FREM1: variants seen among roughly 807,000 people sequenced by gnomAD.
FREM1 encodes FRAS1-related extracellular matrix protein 1.
A neutral mutation model predicts 210.1 loss-of-function variants in FREM1; 220 were observed. The ratio of observed to expected loss-of-function variants is 1.05; its 90% CI spans 0.94 to 1.17. The LOEUF is 1.17. FREM1 is among the 50% of genes most tolerant of loss of function. The pLI is 0.00. For missense variants in FREM1, 3,454 were observed against 2,675.5 expected (o/e 1.29, Z -6.42); for synonymous variants, 1,189 against 980.2 (o/e 1.21, Z -3.98).
intron 1 of FREM1, among the ~76,000 whole-genome samples, chr9:14,891,857 G>GA (rs1317038405): frequency 1.3e-5 from 2 of 152,176 alleles, no homozygotes; most frequent in African/African-American, 4.8e-5. Context: ...CACTGTGCAA[G>GA]AAAAAGTTCA....
chr9:14,824,962 C>T lies in FREM1; in HGVS notation c.1912G>A (p.Asp638Asn), dbSNP rs760184677. 4.4e-6 allele frequency: 7 copies of T among 1,603,826 alleles called. No homozygotes were observed. The highest frequency in any genetic ancestry group is 1.4e-5 in the African/African-American group (1 of 74,042). ...VATIHITPVDDQLPKEAPGVS... is the reference protein window; with the variant it reads ...VATIHITPVDNQLPKEAPGVS... ...CCAGGAGCCTCTTTTGGAAGCTGGT[C>T]ATCCACTGGAGTTATATGGATTGTT... Residue 638 changes from aspartate to asparagine, a missense_variant, in exon 11 of 37, where the codon GAC becomes AAC. By Grantham distance (23) the Asp-to-Asn change is conservative. Coordinates refer to ENST00000380880, the MANE Select transcript of FREM1 (RefSeq NM_001379081.2).
At chr9:14,864,068 C>A (rs558372907) in intron 2 of FREM1, among the ~76,000 whole-genome samples, 165 bp from the exon 3 acceptor site, 4 of 152,120 alleles carry the variant, frequency 2.6e-5, no homozygotes, top group African/African-American at 9.7e-5. Context: ...TACCCCCATA[C>A]CCAGTCACCA....
At chr9:14,874,702 C>A (rs908500392) in intron 1 of FREM1, among the ~76,000 whole-genome samples, 1 of 152,106 alleles carries the variant, frequency 6.6e-6, no homozygotes, top group African/African-American at 2.4e-5. Context: ...GAATTTGATC[C>A]TGTCATTATG....
At chr9:14,866,204 T>A (rs919136006) in intron 2 of FREM1, among the ~76,000 whole-genome samples, 8 of 152,190 alleles carry the variant, frequency 5.3e-5, no homozygotes, top group Non-Finnish European at 8.8e-5. Flanking sequence ...TTCTAGTAAC[T>A]GGAGTTTTAC....
Position 14,740,243 on chromosome 9 carries a change from A to G in FREM1, c.6255-9T>C. 1.3e-6 allele frequency: 2 copies of G among 1,594,006 alleles called. No individual in the cohort carries two copies. Among genetic ancestry groups the G allele is most frequent in the Middle Eastern group, 1.7e-4 (1 of 6,016 alleles). ...CAAGGTTGCCCAGGTATCTAAATGC[A>G]AATGAAAATGAGAGTATCAGCAACA... On this transcript the variant is annotated splice_polypyrimidine_tract_variant and intron_variant, in intron 35 of 36. Transcript: ENST00000380880.
intron 17 of FREM1, 61 bp from the exon 18 acceptor site, chr9:14,806,907 G>C (rs1330596574): frequency 1.1e-5 from 11 of 1,026,290 alleles, no homozygotes; most frequent in Non-Finnish European, 1.4e-5. Flanking sequence ...AGACTGGGTA[G>C]GACAAAATGC....
rs1824648633 is a variant in FREM1, at chr9:14,836,559, C to T, written c.1881+4888G>A. 6.6e-6 allele frequency among the ~76,000 whole-genome samples: 1 copy of T among 152,184 alleles called. No homozygotes were observed. Among genetic ancestry groups the T allele is most frequent in the Admixed American group, 6.5e-5 (1 of 15,276 alleles). Reference sequence around the variant, plus strand: ...GCTACAATCCCTCTTTAATAAATTCCAGTCTTCTTTCTGGAATTGGTTAAC... The same window carrying T: ...GCTACAATCCCTCTTTAATAAATTCTAGTCTTCTTTCTGGAATTGGTTAAC... On this transcript the variant is annotated intron_variant, in intron 10 of 36. Transcript: ENST00000380880. The surrounding 1 kb of genome is among the most constrained non-coding windows in gnomAD (Gnocchi z 4.9).
At position 14,829,358 on chromosome 9, in the gene FREM1, C is replaced by T. The variant is rs115824271; in HGVS notation, c.1882-4366G>A. Among the ~76,000 whole-genome samples the T allele has an allele frequency of 3.4e-3, 515 of 152,258 alleles. 5 individuals carry two copies. The highest frequency in any genetic ancestry group is 0.012 in the African/African-American group (480 of 41,540). On this transcript the variant is annotated intron_variant, in intron 10 of 36. Transcript: ENST00000380880. ...CTGGCATCATGGGTCTTTTCCACAG[C>T]CTGCTCCATGAACTTTTTCTATCTT...
intron 27 of FREM1, among the ~76,000 whole-genome samples, chr9:14,768,181 G>T (rs533425779): frequency 6.6e-6 from 1 of 151,982 alleles, no homozygotes; most frequent in Admixed American, 6.6e-5. Flanking sequence ...GCTACACTGC[G>T]CTCACACATG....
intron 1 of FREM1, among the ~76,000 whole-genome samples, chr9:14,908,108 G>C (rs1162717891): frequency 6.6e-6 from 1 of 152,162 alleles, no homozygotes; most frequent in Non-Finnish European, 1.5e-5. Flanking sequence ...GCCATGTCCA[G>C]TTTTCTTTTT....
At chr9:14,758,795 C>T (rs1404588705) in intron 28 of FREM1, among the ~76,000 whole-genome samples, 2 of 152,114 alleles carry the variant, frequency 1.3e-5, no homozygotes, top group African/African-American at 4.8e-5. Flanking sequence ...AAAAATTCTT[C>T]AATTCTAGAA....
chr9:14,878,167 A>G (rs1564152376), intron 1 of FREM1, among the ~76,000 whole-genome samples: 1 of 152,180 alleles, frequency 6.6e-6, no homozygotes, highest in Non-Finnish European at 1.5e-5. Flanking sequence ...CTCATCTTAG[A>G]ATAAAGGTGA....
intron 1 of FREM1, among the ~76,000 whole-genome samples, chr9:14,882,668 G>GGCTTC (rs1038052286): frequency 3.3e-5 from 5 of 151,230 alleles, no homozygotes; most frequent in Non-Finnish European, 5.9e-5. Context: ...ATGTTGGCCA[G>GGCTTC]GCTGGTCTCA....
chr9:14,866,658 T>C (rs142531780), intron 2 of FREM1, among the ~76,000 whole-genome samples: 71 of 152,308 alleles, frequency 4.7e-4, no homozygotes, highest in African/African-American at 1.6e-3. Flanking sequence ...TTTCACAATA[T>C]ACTCAGGCCC....
intron 1 of FREM1, among the ~76,000 whole-genome samples, chr9:14,885,848 T>C (rs1285758494): frequency 1.3e-5 from 2 of 152,248 alleles, no homozygotes; most frequent in East Asian, 3.8e-4. Flanking sequence ...CTTCTTTTTA[T>C]GAGGAGAACA....
intron 21 of FREM1, 136 bp downstream of exon 21, chr9:14,797,362 G>C: frequency 1.7e-6 from 1 of 574,038 alleles, no homozygotes; most frequent in Non-Finnish European, 2.9e-6. Context: ...CCTCATGCCT[G>C]AGTGGCAGGG....
At chr9:14,808,924 A>G (rs1023521967) in intron 16 of FREM1, among the ~76,000 whole-genome samples, 2 of 152,204 alleles carry the variant, frequency 1.3e-5, no homozygotes, top group Non-Finnish European at 2.9e-5. Context: ...AGTTTTGCAC[A>G]TGTGCTGTTG....
intron 24 of FREM1, chr9:14,779,582 C>G (rs1563910177): frequency 1.5e-6 from 1 of 653,188 alleles, no homozygotes; most frequent in Admixed American, 6.3e-5. Flanking sequence ...CTCAGGACGG[C>G]CACATCTACT....
chr9:14,844,115 T>G (rs550749330), intron 8 of FREM1, among the ~76,000 whole-genome samples: 1 of 152,354 alleles, frequency 6.6e-6, no homozygotes, highest in South Asian at 2.1e-4. Flanking sequence ...CACTATTTTG[T>G]GTCTCCTCTG....
Sources: gnomAD v4.1 joint callset for allele counts (sites outside exome capture counted in the v4.1 genomes callset) on GRCh38, gnomAD v4.1.1 for gene constraint, Gnocchi (gnomAD v3.1) non-coding constraint, MANE v1.5 for transcripts, NCBI Gene and HGNC (gene_info 2026-07-23, HGNC 2026-07-21) for gene names.